Variants in LUZP2 observed in about 807,000 individuals in gnomAD.
LUZP2 encodes leucine zipper protein 2.
Under a neutral mutation model 51.6 loss-of-function variants are expected in LUZP2, and 52 were observed. The ratio of observed to expected loss-of-function variants is 1.01; its 90% confidence interval spans 0.81 to 1.27. The LOEUF is 1.27. Among genes scored for constraint, LUZP2 ranks in the 50% most tolerant of loss-of-function variants. The pLI, the probability that LUZP2 is intolerant of heterozygous loss-of-function variation, is 0.00. For missense variants in LUZP2, 436 were observed against 395.4 expected, an observed-to-expected ratio of 1.10 and a Z score of -0.87; for synonymous variants, 154 against 137.3, an observed-to-expected ratio of 1.12 and a Z score of -0.85.
chr11:24,837,385 A>AT (rs955298372), intron 5 of LUZP2, among the ~76,000 whole-genome samples: 57 of 149,762 alleles, frequency 3.8e-4, no homozygotes, highest in East Asian at 1.4e-3. Context: ...TGAACCTTCA[A>AT]TTTTTTTTTT....
At chr11:24,716,057 A>G (rs540296120) in intron 1 of LUZP2, among the ~76,000 whole-genome samples, 4 of 152,296 alleles carry the variant, frequency 2.6e-5, no homozygotes, top group African/African-American at 7.2e-5. Flanking sequence ...ATATTGTAAA[A>G]TGTCTACCAC....
chr11:24,682,865 G>C (rs921686826), intron 1 of LUZP2, among the ~76,000 whole-genome samples: 5 of 151,568 alleles, frequency 3.3e-5, no homozygotes, highest in African/African-American at 1.2e-4. Context: ...TTAGCTGGGC[G>C]TGATGGCGCG....
chr11:24,763,403 C>T (rs1023050429), intron 5 of LUZP2, 95 bp downstream of exon 5: 2 of 468,474 alleles, frequency 4.3e-6, no homozygotes, highest in African/African-American at 2.0e-5. Context: ...GTATTAAACA[C>T]TTGCATATTT....
Position 25,077,653 on chromosome 11 carries a change from C to T in LUZP2, c.936+247C>T, listed in dbSNP as rs566520048. Among the ~76,000 whole-genome samples the T allele has an allele frequency of 2.6e-5, 4 of 151,880 alleles. No individual in the cohort carries two copies. In the South Asian group the frequency reaches 8.3e-4, roughly 32 times the overall value. ...TAGCTGGGACTACAGGCGCCCACCACCACGCCCAAATTTTTTGTATTTTTA... is the reference window on the plus strand; with the variant it reads ...TAGCTGGGACTACAGGCGCCCACCATCACGCCCAAATTTTTTGTATTTTTA... On this transcript the variant is annotated intron_variant, in intron 11 of 11. Transcript: ENST00000336930.
intron 1 of LUZP2, among the ~76,000 whole-genome samples, chr11:24,691,577 A>G (rs972659544): frequency 2.6e-5 from 4 of 151,404 alleles, no homozygotes; most frequent in African/African-American, 9.7e-5. Context: ...TGTCTCCTTC[A>G]GGTATATAAA....
chr11:25,051,758 T>G (rs915786349), intron 10 of LUZP2, among the ~76,000 whole-genome samples: 1 of 152,190 alleles, frequency 6.6e-6, no homozygotes, highest in Non-Finnish European at 1.5e-5. Flanking sequence ...CTAAGGATGG[T>G]GTTTTTATTT....
chr11:24,843,112 C>T (rs111807114), intron 5 of LUZP2, among the ~76,000 whole-genome samples: 14 of 151,924 alleles, frequency 9.2e-5, no homozygotes, highest in African/African-American at 3.1e-4. Flanking sequence ...TATGAGAAAA[C>T]TGTATGACAA....
At chr11:24,566,735 T>G (rs2133787785) in intron 1 of LUZP2, among the ~76,000 whole-genome samples, 1 of 146,418 alleles carries the variant, frequency 6.8e-6, no homozygotes, top group South Asian at 2.1e-4. Context: ...ATATACATAT[T>G]TATATATAAT....
At chr11:25,007,530 G>A (rs953401257) in intron 9 of LUZP2, among the ~76,000 whole-genome samples, 4 of 152,056 alleles carry the variant, frequency 2.6e-5, no homozygotes, top group Non-Finnish European at 5.9e-5. Flanking sequence ...TTGAACCTGG[G>A]AGGTAAAGGT....
At chr11:24,778,481 G>A (rs1432785238) in intron 5 of LUZP2, among the ~76,000 whole-genome samples, 1 of 151,932 alleles carries the variant, frequency 6.6e-6, no homozygotes, top group Admixed American at 6.6e-5. Context: ...AAAAATCATA[G>A]AAATTAGAAA....
chr11:24,959,881 G>C (rs1855340291), intron 7 of LUZP2, among the ~76,000 whole-genome samples: 2 of 152,146 alleles, frequency 1.3e-5, no homozygotes, highest in African/African-American at 4.8e-5. Context: ...TGATATTGCT[G>C]TGGGTTTGTC....
At position 24,497,294 on chromosome 11, in the gene LUZP2, C is replaced by T. The variant is rs763748858; in HGVS notation, c.51C>T (p.Val17=). 7 of 1,564,878 alleles carry T rather than the reference C, an allele frequency of 4.5e-6. No homozygotes were observed. The African/African-American group carries it at 5.6e-5, about 12-fold the overall frequency. ...HYLLPLLPAL[V]LSTRQDYEEL... Reference sequence around the variant, plus strand: ...TGCTGCCTCTCCTGCCTGCGCTGGTCCTCAGCACCAGGTGAGTCCAGGAGC... The same window carrying T: ...TGCTGCCTCTCCTGCCTGCGCTGGTTCTCAGCACCAGGTGAGTCCAGGAGC... Residue 17 remains valine (V), a synonymous_variant, in exon 1 of 12, where the codon GTC becomes GTT. Transcript: ENST00000336930.
intron 1 of LUZP2, among the ~76,000 whole-genome samples, chr11:24,679,985 G>A (rs889516912): frequency 6.6e-6 from 1 of 152,176 alleles, no homozygotes; most frequent in Admixed American, 6.5e-5. Context: ...TCTCCCAGAA[G>A]ATGCTGACAG....
chr11:24,838,816 C>T (rs1850936705), intron 5 of LUZP2, among the ~76,000 whole-genome samples: 1 of 151,560 alleles, frequency 6.6e-6, no homozygotes, highest in Non-Finnish European at 1.5e-5. Context: ...TGGACTCTCT[C>T]CTTGAAAAAA....
chr11:25,047,062 A>G (rs544755949), intron 9 of LUZP2, among the ~76,000 whole-genome samples: 5 of 152,262 alleles, frequency 3.3e-5, no homozygotes, highest in African/African-American at 1.2e-4. Flanking sequence ...CTGTCATCTG[A>G]TTGTTTAGAA....
At chr11:24,677,888 T>C (rs911997709) in intron 1 of LUZP2, among the ~76,000 whole-genome samples, 4 of 151,728 alleles carry the variant, frequency 2.6e-5, no homozygotes, top group Non-Finnish European at 5.9e-5. Context: ...ATACAAAAAA[T>C]TAGCCGGGCA....
intron 5 of LUZP2, among the ~76,000 whole-genome samples, chr11:24,865,736 G>A (rs1851871920): frequency 2.0e-5 from 3 of 148,896 alleles, no homozygotes; most frequent in Admixed American, 1.4e-4. Context: ...ATGTGTGTGT[G>A]TGTGTGTGTA....
intron 1 of LUZP2, among the ~76,000 whole-genome samples, chr11:24,623,026 G>A (rs537179732): frequency 2.0e-5 from 3 of 152,118 alleles, no homozygotes; most frequent in East Asian, 1.9e-4. Context: ...ATTCCGCCCC[G>A]ATGGTATGGA....
chr11:24,681,697 T>C (rs112361299), intron 1 of LUZP2, among the ~76,000 whole-genome samples: 1 of 152,196 alleles, frequency 6.6e-6, no homozygotes, highest in African/African-American at 2.4e-5. Context: ...TTTTAACACA[T>C]CTTGAATTAA....
Sources: gnomAD v4.1 joint callset for allele counts (sites outside exome capture counted in the v4.1 genomes callset) on GRCh38, gnomAD v4.1.1 for gene constraint, MANE v1.5 for transcripts, NCBI Gene and HGNC (gene_info 2026-07-23, HGNC 2026-07-21) for gene names.